TERF1: variants seen among roughly 807,000 people sequenced by gnomAD.
TERF1 encodes the protein telomeric repeat-binding factor 1.
In TERF1, 20 loss-of-function variants were observed where a neutral mutation model predicts 55.1. The observed-to-expected ratio is 0.36, with a 90% CI of 0.26 to 0.53. TERF1 has a LOEUF of 0.53. Ranked by LOEUF, TERF1 falls within the 20% of genes least tolerant of loss-of-function variation. The pLI is 0.91. For missense variants in TERF1, 439 were observed against 535.7 expected (o/e 0.82, Z 1.78); for synonymous variants, 168 against 181.2 (o/e 0.93, Z 0.59).
chr8:73,039,317 G>A (rs1809736396), intron 9 of TERF1, 98 bp downstream of exon 9: 2 of 831,654 alleles, frequency 2.4e-6, no homozygotes, highest in Admixed American at 3.3e-5. Context: ...AAAATTTTGA[G>A]TGTAAAATAT....
chr8:73,046,427 A>T lies in TERF1; in HGVS notation c.*290A>T, dbSNP rs1312563813. ...AAAAAATTAAAACCTGATACGAAAA[A>T]AAAAAAATTCCAGTTAACCTATTTT... On this transcript the variant is annotated 3_prime_UTR_variant, in exon 10 of 10. Transcript: ENST00000276603. 5.1e-6 allele frequency: 1 copy of T among 194,290 alleles called. No homozygotes were observed. 12.0% of individuals were successfully genotyped at this position (194,290 alleles called of 1,614,324 possible). A position where few individuals can be genotyped will look rare whatever the true frequency, so the allele number is the denominator to read the frequency against.
chr8:73,044,425 C>T (rs1032908611), intron 9 of TERF1, among the ~76,000 whole-genome samples: 2 of 152,188 alleles, frequency 1.3e-5, no homozygotes, highest in Non-Finnish European at 2.9e-5. Flanking sequence ...CTTTTTGGTA[C>T]TGAGTCATAC....
intron 6 of TERF1, among the ~76,000 whole-genome samples, chr8:73,028,472 C>T (rs1809119621): frequency 6.6e-6 from 1 of 151,780 alleles, no homozygotes. Context: ...AAAAATAAAT[C>T]TCTTTAGATC....
chr8:73,033,163 T>G (rs1753469110), intron 8 of TERF1, among the ~76,000 whole-genome samples: 1 of 152,138 alleles, frequency 6.6e-6, no homozygotes, highest in Admixed American at 6.6e-5. Flanking sequence ...GTAAATATTA[T>G]AGAATAAATT....
Position 73,009,153 on chromosome 8 carries a change from T to C in TERF1, c.267T>C (p.Ala89=), listed in dbSNP as rs776328276. ...TCCTCTGCCTCTCTCTTTGCCGAGCTTTCCGCGACGGCCGCTCCGAGGACT... is the reference window on the plus strand; with the variant it reads ...TCCTCTGCCTCTCTCTTTGCCGAGCCTTCCGCGACGGCCGCTCCGAGGACT... ...LDFLCLSLCR[A]FRDGRSEDFR... The change falls in exon 1 of 10, where the codon GCT becomes GCC. Residue 89 remains alanine, a synonymous_variant. Coordinates refer to ENST00000276603, the MANE Select transcript of TERF1 (RefSeq NM_017489.3). 1 of 1,611,280 alleles carries C rather than the reference T, an allele frequency of 6.2e-7. No individual in the cohort carries two copies. The highest frequency in any genetic ancestry group is 8.5e-7 in the Non-Finnish European group (1 of 1,179,842).
intron 9 of TERF1, among the ~76,000 whole-genome samples, chr8:73,044,534 T>C (rs1348915005): frequency 6.6e-6 from 1 of 152,186 alleles, no homozygotes; most frequent in Non-Finnish European, 1.5e-5. Flanking sequence ...TTTCTTCGAT[T>C]ATAGTAAAGT....
intron 4 of TERF1, among the ~76,000 whole-genome samples, chr8:73,022,816 C>T (rs921094724): frequency 6.6e-6 from 1 of 151,874 alleles, no homozygotes; most frequent in East Asian, 1.9e-4. Flanking sequence ...GGTGTGGTGG[C>T]GCAATACTGT....
intron 4 of TERF1, among the ~76,000 whole-genome samples, chr8:73,024,399 A>C (rs1432143958): frequency 6.6e-6 from 1 of 152,210 alleles, no homozygotes; most frequent in South Asian, 2.1e-4. Flanking sequence ...GCAATGCTAC[A>C]TATTTGTGGA....
At position 73,017,421 on chromosome 8, in the gene TERF1, C is replaced by T. The variant is rs56326972; in HGVS notation, c.416-3263C>T. Among the ~76,000 whole-genome samples the T allele has an allele frequency of 1.5e-3, 231 of 152,306 alleles. 1 individual carries two copies. The highest frequency in any genetic ancestry group is 5.3e-3 in the African/African-American group (220 of 41,566). ...ATCTTACTGTATAAAACAAGTGCCA[C>T]AGTGCCTGACACTCAGTGTTAGTTA... On this transcript the variant is annotated intron_variant, in intron 2 of 9. Transcript: ENST00000276603.
chr8:73,045,939 C>A, intron 9 of TERF1, 22 bp from the exon 10 acceptor site: 1 of 1,475,234 alleles, frequency 6.8e-7, no homozygotes, highest in Non-Finnish European at 9.0e-7. Flanking sequence ...CTGTAAATAA[C>A]TGTTTTACTT....
chr8:73,040,733 C>T (rs1476322381), intron 9 of TERF1, among the ~76,000 whole-genome samples: 1 of 152,116 alleles, frequency 6.6e-6, no homozygotes, highest in Non-Finnish European at 1.5e-5. Context: ...ATTATGATTC[C>T]AAATGTTACA....
Position 73,032,111 on chromosome 8 carries a change from A to G in TERF1, c.1017A>G (p.Glu339=). ...GTQQQDLNKK[E]RRVGTPQSTK... ...AGCAACAAGACCTTAATAAGAAAGA[A>G]AGAAGAGTAGGAACTCCTCAAAGTG... Residue 339 remains glutamate, a synonymous_variant, in exon 8 of 10, where the codon GAA becomes GAG. Coordinates refer to ENST00000276603, the MANE Select transcript of TERF1 (RefSeq NM_017489.3). 2 of 1,611,800 alleles carry G rather than the reference A, an allele frequency of 1.2e-6. No homozygotes were observed. Among genetic ancestry groups the G allele is most frequent in the Non-Finnish European group, 1.7e-6 (2 of 1,179,180 alleles).
At chr8:73,038,455 C>T (rs1187928985) in intron 8 of TERF1, among the ~76,000 whole-genome samples, 2 of 151,184 alleles carry the variant, frequency 1.3e-5, no homozygotes, top group South Asian at 2.1e-4. Flanking sequence ...GAGACCCTAT[C>T]TCTTAAAAAA....
chr8:73,012,813 ATTAG>A (rs1808339390), intron 1 of TERF1: 2 of 421,866 alleles, frequency 4.7e-6, no homozygotes, highest in Admixed American at 5.1e-5. Context: ...TAAAATTTTA[ATTAG>A]TTACTTACAT....
rs1810047407 is a variant in TERF1 at position 73,046,624 on chromosome 8, T to G, written c.*487T>G. The stretch of plus-strand genomic sequence containing the variant: ...GATTCTCCTGCCTCAGCCTCCTGAG[T>G]AGCTGGGATTACAGGCACACACCAC... On this transcript the variant is annotated 3_prime_UTR_variant, in exon 10 of 10. Transcript: ENST00000276603. 6.6e-6 allele frequency: 1 copy of G among 152,174 alleles called. No homozygotes were observed. The highest frequency in any genetic ancestry group is 2.1e-4 in the South Asian group (1 of 4,824). The allele number at this position is 152,174 out of a possible 1,614,324, so 9.4% of individuals were successfully genotyped here.
chr8:73,009,310 T>C (rs1183896961), intron 1 of TERF1, 105 bp downstream of exon 1: 1 of 96,642 alleles, frequency 1.0e-5, no homozygotes, highest in Non-Finnish European at 1.7e-5. Flanking sequence ...GAGGGGCTGC[T>C]GCGGCCGATT....
At position 73,047,768 on chromosome 8, in the gene TERF1, T is replaced by C. The variant is rs1205080499; in HGVS notation, c.*1631T>C. 6.6e-6 allele frequency: 1 copy of C among 152,218 alleles called. No homozygotes were observed. Among genetic ancestry groups the C allele is most frequent in the Non-Finnish European group, 1.5e-5 (1 of 68,038 alleles). The allele number at this position is 152,218 out of a possible 1,614,324, so 9.4% of individuals were successfully genotyped here. ...TACCATATACTTCCTGACTCCTTTA[T>C]CTTGTTACACCACAAGATACTGCAC... is the stretch of plus-strand genomic sequence containing the variant. On this transcript the variant is annotated 3_prime_UTR_variant, in exon 10 of 10. Transcript: ENST00000276603.
chr8:73,012,904 C>T (rs1040078677), intron 1 of TERF1: 3 of 456,050 alleles, frequency 6.6e-6, no homozygotes, highest in African/African-American at 4.0e-5. Flanking sequence ...GTCATCACCT[C>T]CTAACACAGG....
In TERF1 at chr8:73,013,494, G is replaced by A. The variant is rs55923171; in HGVS notation, c.320-401G>A. ...AGTTTGGGGAGGTTAATATTAATAG[G>A]TTTTAAACTTTGTAAGCTAAACAGA... On this transcript the variant is annotated intron_variant, in intron 1 of 9. Coordinates refer to ENST00000276603, the MANE Select transcript of TERF1 (RefSeq NM_017489.3). Among the ~76,000 whole-genome samples, 1,438 of 152,172 alleles carry A rather than the reference G, an allele frequency of 9.4e-3. 9 individuals carry two copies. Among genetic ancestry groups the A allele is most frequent in the African/African-American group, 0.033 (1,352 of 41,512 alleles).
Sources: gnomAD v4.1 joint callset for allele counts (sites outside exome capture counted in the v4.1 genomes callset) on GRCh38, gnomAD v4.1.1 for gene constraint, MANE v1.5 for transcripts, NCBI Gene and HGNC (gene_info 2026-07-23, HGNC 2026-07-21) for gene names.